Variants in KCND1 observed in about 807,000 individuals in gnomAD.
KCND1 encodes A-type voltage-gated potassium channel KCND1.
Under a neutral mutation model 31.8 loss-of-function variants are expected in KCND1, and 11 were observed. That is an observed-to-expected ratio of 0.35 (90% CI 0.22 to 0.57). The LOEUF (loss-of-function observed/expected upper bound fraction) is 0.57, where lower values mean the gene tolerates loss of function less well. Ranked by LOEUF, KCND1 falls within the 20% of genes least tolerant of loss-of-function variation. The probability of loss-of-function intolerance (pLI) is 0.85; values close to 1 mark genes in which losing one functional copy is unlikely to be tolerated. For synonymous variants in KCND1, 234 were observed against 248.1 expected (o/e 0.94, Z 0.53); for missense variants, 471 against 596.8 (o/e 0.79, Z 2.20).
Position 48,969,683 on chromosome X carries a change from C to T in KCND1, c.589G>A (p.Ala197Thr), listed in dbSNP as rs782043855. 3.3e-5 allele frequency: 40 copies of T among 1,208,493 alleles called. No homozygotes were observed. The highest frequency in any genetic ancestry group is 1.7e-4 in the Admixed American group (8 of 45,806). The change falls in exon 1 of 6, where the codon GCC (alanine) becomes ACC (threonine). Residue 197 changes from alanine to threonine, a missense_variant. Physicochemically the swap from Ala to Thr is moderately conservative, Grantham distance 58. Transcript: ENST00000218176. ...VFYYVTGFFI[A>T]VSVIANVVET... is the part of the protein sequence containing the mutation. Reference sequence around the variant, plus strand: ...ACCACATTGGCGATGACCGACACGGCGATGAAGAAGCCGGTCACATAGTAG... The same window carrying T: ...ACCACATTGGCGATGACCGACACGGTGATGAAGAAGCCGGTCACATAGTAG...
In KCND1 at chrX:48,966,170, G is replaced by A. The variant is rs782458616; in HGVS notation, c.1603C>T (p.Arg535Cys). ...CGGATGGCGCGGCGCTTGGCCCTGC[G>A]AGGGCAGCAAGAAGACAGCAGGCTT... Reference protein sequence around the residue: ...PGSLLSSCCPRRAKRRAIRLA... With the variant: ...PGSLLSSCCPCRAKRRAIRLA... The change falls in exon 5 of 6, where the codon CGC becomes TGC. Residue 535 changes from arginine to cysteine, a missense_variant. This residue lies in a region of KCND1 where 185 missense variants were observed against 184.7 expected (regional missense o/e 1.00). Coordinates refer to ENST00000218176, the MANE Select transcript of KCND1 (RefSeq NM_004979.6). 1.9e-5 allele frequency: 23 copies of A among 1,209,405 alleles called. No individual in the cohort carries two copies. The highest frequency in any genetic ancestry group is 3.5e-5 in the South Asian group (2 of 56,641).
chrX:48,962,593 G>C lies in KCND1; in HGVS notation c.1932C>G (p.Ile644Met). 8.3e-7 allele frequency: 1 copy of C among 1,203,042 alleles called. No individual in the cohort carries two copies. The highest frequency in any genetic ancestry group is 1.1e-6 in the Non-Finnish European group (1 of 889,113). ...TPCLFPETVK[I>M]SSL ...GCAGGCCTACCCCTCACAGGGATGA[G>C]ATCTTGACAGTCTCGGGGAAGAGGC... Residue 644 changes from isoleucine (I) to methionine (M), a missense_variant, in exon 6 of 6, where the codon ATC becomes ATG. Transcript: ENST00000218176.
intron 5 of KCND1, among the ~76,000 whole-genome samples, chrX:48,964,469 T>C (rs2064339758): frequency 9.2e-6 from 1 of 109,069 alleles, no homozygotes; most frequent in Non-Finnish European, 1.9e-5. Context: ...TGAGCCAAGA[T>C]CGCGCCACCG....
chrX:48,966,419 C>T (rs1014934157), intron 4 of KCND1, 114 bp from the exon 5 acceptor site: 8 of 1,046,088 alleles, frequency 7.6e-6, no homozygotes, highest in African/African-American at 3.7e-5. Context: ...CTTCCCTTCC[C>T]TTGCCCATTC....
Position 48,970,387 on chromosome X carries a change from G to A in KCND1, c.-116C>T. 2.9e-6 allele frequency: 2 copies of A among 695,871 alleles called. No individual in the cohort carries two copies. The highest frequency in any genetic ancestry group is 4.1e-6 in the Non-Finnish European group (2 of 482,234). The allele number at this position is 695,871 out of a possible 1,213,427, so 57.3% of individuals were successfully genotyped here. On this transcript the variant is annotated 5_prime_UTR_variant, in exon 1 of 6. Transcript: ENST00000218176. ...TTGAGCCACCCAAACAAGGAAACTG[G>A]GGGTGTCTAGAGAGGCCAAGAGGAA...
rs868941154 is a variant in KCND1 at position 48,963,035 on chromosome X, T to C, written c.1719-229A>G. Reference sequence around the variant, plus strand: ...CCTGTAATCCCAGCTACTCGGGAGGTTGAGGCGGGAGAATTGCTTGAACCC... The same window carrying C: ...CCTGTAATCCCAGCTACTCGGGAGGCTGAGGCGGGAGAATTGCTTGAACCC... On this transcript the variant is annotated intron_variant, in intron 5 of 5. Transcript: ENST00000218176. 2.5e-3 allele frequency among the ~76,000 whole-genome samples: 265 copies of C among 107,611 alleles called. 2 individuals are homozygous for C. The highest frequency in any genetic ancestry group is 2.1e-3 in the Non-Finnish European group (111 of 51,814). 93.4% of individuals were successfully genotyped at this position (107,611 alleles called of 115,157 possible). A position where few individuals can be genotyped will look rare whatever the true frequency, so the allele number is the denominator to read the frequency against.
At chrX:48,964,387 C>T (rs1245368418) in intron 5 of KCND1, among the ~76,000 whole-genome samples, 3 of 110,758 alleles carry the variant, frequency 2.7e-5, no homozygotes, top group Non-Finnish European at 5.7e-5. Flanking sequence ...CGTGGTGGCG[C>T]GCACCTGTAG....
Position 48,969,491 on chromosome X carries a change from G to T in KCND1, c.781C>A (p.Arg261=), listed in dbSNP as rs1557058483. The T allele has an allele frequency of 8.3e-7, 1 of 1,211,245 alleles. No individual in the cohort carries two copies. Among genetic ancestry groups the T allele is most frequent in the Non-Finnish European group, 1.1e-6 (1 of 895,120 alleles). Residue 261 remains arginine, a synonymous_variant, in exon 1 of 6, where the codon CGG becomes AGG. Coordinates refer to ENST00000218176, the MANE Select transcript of KCND1 (RefSeq NM_004979.6). ...ACGTCGATGAGGCTCATGACACTCC[G>T]CAGGAAGCGGCAACGGCTGGGGGCG... is the stretch of plus-strand genomic sequence containing the variant. The part of the protein sequence containing the change: ...FAAPSRCRFL[R]SVMSLIDVVA...
rs1352604431 is a variant in KCND1, at chrX:48,970,127, G to A, written c.145C>T (p.Arg49Trp). 10 of 1,209,457 alleles carry A rather than the reference G, an allele frequency of 8.3e-6. No individual in the cohort carries two copies. The highest frequency in any genetic ancestry group is 5.9e-5 in the East Asian group (2 of 33,729). ...GTATTCTTCCAAGTCTCAAAGCGCC[G>A]TCCGCTCACGTTCACCACCAGAACC... is the stretch of plus-strand genomic sequence containing the variant. ...DEVLVVNVSG[R>W]RFETWKNTLD... The change falls in exon 1 of 6, where the codon CGG becomes TGG. Residue 49 changes from arginine to tryptophan, a missense_variant. Arg to Trp is a moderately radical substitution (Grantham distance 101). Transcript: ENST00000218176.
At chrX:48,969,012 C>T (rs2064368346) in intron 1 of KCND1, 139 bp downstream of exon 1, 3 of 600,643 alleles carry the variant, frequency 5.0e-6, no homozygotes, top group South Asian at 6.7e-5. Context: ...TGAGATCTTG[C>T]CACTGTACTC....
In KCND1 at chrX:48,969,666, G is replaced by A. The variant is rs1276785784; in HGVS notation, c.606C>T (p.Ala202=). 3.3e-6 allele frequency: 4 copies of A among 1,209,307 alleles called. No homozygotes were observed. The highest frequency in any genetic ancestry group is 1.7e-5 in the African/African-American group (1 of 57,524). The part of the protein sequence containing the change: ...TGFFIAVSVI[A]NVVETIPCRG... Reference sequence around the variant, plus strand: ...GGCATGGGATGGTCTCCACCACATTGGCGATGACCGACACGGCGATGAAGA... The same window carrying A: ...GGCATGGGATGGTCTCCACCACATTAGCGATGACCGACACGGCGATGAAGA... The change falls in exon 1 of 6, where the codon GCC becomes GCT. Residue 202 remains alanine (A), a synonymous_variant. Coordinates refer to ENST00000218176, the MANE Select transcript of KCND1 (RefSeq NM_004979.6).
chrX:48,966,355 C>T, intron 4 of KCND1, 50 bp from the exon 5 acceptor site: 1 of 1,153,769 alleles, frequency 8.7e-7, no homozygotes, highest in Non-Finnish European at 1.2e-6. Context: ...GGGAGCTGAT[C>T]CCACCCTCAA....
At chrX:48,968,859 G>A (rs2064367490) in intron 1 of KCND1, among the ~76,000 whole-genome samples, 1 of 111,832 alleles carries the variant, frequency 8.9e-6, no homozygotes, top group Non-Finnish European at 1.9e-5. Context: ...TTTGAGACCA[G>A]CCTGGCCAAC....
rs192433978 is a variant in KCND1, at chrX:48,962,893, T to C, written c.1719-87A>G. ...GGCTCATGCCTGTAATCCCAGCACT[T>C]TGGGAGGCCGAGGTGAGTGGATCAT... On this transcript the variant is annotated intron_variant, in intron 5 of 5. Transcript: ENST00000218176. The C allele has an allele frequency of 6.1e-5, 47 of 776,304 alleles. No individual in the cohort carries two copies. The African/African-American group carries it at 9.3e-4, about 15-fold the overall frequency. The allele number at this position is 776,304 out of a possible 1,213,427, so 64.0% of individuals were successfully genotyped here. A position where few individuals can be genotyped will look rare whatever the true frequency, so the allele number is the denominator to read the frequency against.
chrX:48,964,271 C>A (rs2064338547), intron 5 of KCND1, among the ~76,000 whole-genome samples: 1 of 112,117 alleles, frequency 8.9e-6, no homozygotes, highest in Non-Finnish European at 1.9e-5. Flanking sequence ...GTAATCCCAG[C>A]ACTTTGGGAG....
At position 48,969,695 on chromosome X, in the gene KCND1, C is replaced by T. The variant is rs1557058564; in HGVS notation, c.577G>A (p.Gly193Ser). The T allele has an allele frequency of 9.9e-6, 12 of 1,208,370 alleles. No individual in the cohort carries two copies. The highest frequency in any genetic ancestry group is 1.7e-5 in the African/African-American group (1 of 57,494). ...TAALVFYYVTGFFIAVSVIAN... is the reference protein window; with the variant it reads ...TAALVFYYVTSFFIAVSVIAN... ...ATGACCGACACGGCGATGAAGAAGC[C>T]GGTCACATAGTAGAAAACGAGGGCT... Residue 193 changes from glycine to serine, a missense_variant, in exon 1 of 6, where the codon GGC (glycine) becomes AGC (serine). Physicochemically the swap from Gly to Ser is moderately conservative, Grantham distance 56. Around this residue, in one of 3 missense-constraint regions of KCND1, gnomAD observed 212 missense variants for 257.9 expected, o/e 0.82. Transcript: ENST00000218176.
chrX:48,969,981 G>A lies in KCND1; in HGVS notation c.291C>T (p.Phe97=). Residue 97 remains phenylalanine (F), a synonymous_variant, in exon 1 of 6, where the codon TTC becomes TTT. Transcript: ENST00000218176. Reference sequence around the variant, plus strand: ...GGCAATGCAGCCGCCCCGTTCGGTAGAAGTTCAGCACATGGCGGAACATGT... The same window carrying A: ...GGCAATGCAGCCGCCCCGTTCGGTAAAAGTTCAGCACATGGCGGAACATGT... ...DPDMFRHVLN[F]YRTGRLHCPR... 1 of 1,211,941 alleles carries A rather than the reference G, an allele frequency of 8.3e-7. No individual in the cohort carries two copies. The highest frequency in any genetic ancestry group is 1.1e-6 in the Non-Finnish European group (1 of 895,350).
Position 48,969,908 on chromosome X carries a change from C to A in KCND1, c.364G>T (p.Gly122Cys). Residue 122 changes from glycine (G) to cysteine (C), a missense_variant, in exon 1 of 6, where the codon GGC (glycine) becomes TGC (cysteine). By Grantham distance (159) the Gly-to-Cys change is radical. This residue lies in a region of KCND1 where 212 missense variants were observed against 257.9 expected (regional missense o/e 0.82). Coordinates refer to ENST00000218176, the MANE Select transcript of KCND1 (RefSeq NM_004979.6). Reference sequence around the variant, plus strand: ...TCACCGACTAGCTCGGGAACCAGGCCGTAGAAAGCCAGCTCTTCGTCGAAG... The same window carrying A: ...TCACCGACTAGCTCGGGAACCAGGCAGTAGAAAGCCAGCTCTTCGTCGAAG... Reference protein sequence around the residue: ...QAFDEELAFYGLVPELVGDCC... With the variant: ...QAFDEELAFYCLVPELVGDCC... 1 of 1,211,293 alleles carries A rather than the reference C, an allele frequency of 8.3e-7. No homozygotes were observed. The highest frequency in any genetic ancestry group is 1.1e-6 in the Non-Finnish European group (1 of 895,263).
rs782724095 is a variant in KCND1 at position 48,962,741 on chromosome X, A to G, written c.1784T>C (p.Val595Ala). 2 of 1,210,830 alleles carry G rather than the reference A, an allele frequency of 1.7e-6. No individual in the cohort carries two copies. The highest frequency in any genetic ancestry group is 5.9e-5 in the East Asian group (2 of 33,820). Residue 595 changes from valine (V) to alanine (A), a missense_variant, in exon 6 of 6, where the codon GTG becomes GCG. Around this residue, in one of 3 missense-constraint regions of KCND1, gnomAD observed 185 missense variants for 184.7 expected, o/e 1.00. Transcript: ENST00000218176. ...LDLNCDSRDF[V>A]AAIISIPTPP... is the part of the protein sequence containing the mutation. Reference sequence around the variant, plus strand: ...GGTAGGGATGCTGATAATGGCAGCCACGAAGTCCCGGCTGTCGCAGTTCAG... The same window carrying G: ...GGTAGGGATGCTGATAATGGCAGCCGCGAAGTCCCGGCTGTCGCAGTTCAG...
Sources: allele counts gnomAD v4.1 joint callset (sites outside exome capture counted in the v4.1 genomes callset), GRCh38; gene constraint gnomAD v4.1.1; regional missense constraint gnomAD v4.1.1; transcripts MANE v1.5; gene names NCBI Gene and HGNC (gene_info 2026-07-23, HGNC 2026-07-21).